Variants in GAS2 observed in about 807,000 individuals in gnomAD.
GAS2 encodes the protein growth arrest specific 2.
Under a neutral mutation model 37.5 loss-of-function variants are expected in GAS2, and 20 were observed. The observed-to-expected ratio is 0.53, with a 90% CI of 0.37 to 0.77. The LOEUF is 0.77. GAS2 is among the 30% of genes least tolerant of loss of function. The pLI is 0.00. For synonymous variants in GAS2, 144 were observed against 132.2 expected, an observed-to-expected ratio of 1.09 and a Z score of -0.61; for missense variants, 336 against 373.4, an observed-to-expected ratio of 0.90 and a Z score of 0.82.
intron 1 of GAS2, among the ~76,000 whole-genome samples, chr11:22,645,292 G>A (rs925243089): frequency 2.6e-5 from 4 of 152,050 alleles, no homozygotes; most frequent in Admixed American, 6.5e-5. Flanking sequence ...GGCAGATCAC[G>A]AGGTAAGGAG....
Position 22,726,395 on chromosome 11 carries a change from G to A in GAS2, c.371G>A (p.Gly124Glu), listed in dbSNP as rs1223853252. 1.2e-6 allele frequency: 2 copies of A among 1,612,662 alleles called. No homozygotes were observed. The highest frequency in any genetic ancestry group is 1.7e-6 in the Non-Finnish European group (2 of 1,179,324). ...ANFLSWCRDL[G>E]VDETCLFESE... ...TTCTTATCCTGGTGCCGAGATTTAG[G>A]GGTGGATGAAACGTGTCTATTTGAA... is the stretch of plus-strand genomic sequence containing the variant. Residue 124 changes from glycine to glutamate, a missense_variant, in exon 4 of 8, where the codon GGG becomes GAG. By Grantham distance (98) the Gly-to-Glu change is moderately conservative. Transcript: ENST00000454584.
chr11:22,735,502 C>G (rs1852705914), intron 4 of GAS2, among the ~76,000 whole-genome samples: 1 of 151,698 alleles, frequency 6.6e-6, no homozygotes, highest in Non-Finnish European at 1.5e-5. Context: ...AGTTTCTTCT[C>G]AGTTTGCCAA....
chr11:22,716,838 G>A (rs887704851), intron 3 of GAS2, among the ~76,000 whole-genome samples: 8 of 152,014 alleles, frequency 5.3e-5, no homozygotes, highest in African/African-American at 1.9e-4. Flanking sequence ...CAGTAGCACT[G>A]CCATATACCA....
rs35755438 is a variant in GAS2 at position 22,789,425 on chromosome 11, G to GATATAT, written c.724-22348_724-22343dup. Among the ~76,000 whole-genome samples, 154 of 30,626 alleles carry GATATAT rather than the reference G, an allele frequency of 5.0e-3. 2 individuals are homozygous for GATATAT. The highest frequency in any genetic ancestry group is 9.8e-3 in the African/African-American group (109 of 11,100). 20.1% of individuals were successfully genotyped at this position (30,626 alleles called of 152,430 possible). ...GTGTATGTGTGTGTATCTCATATGA[G>GATATAT]ATATATATATATATATATATATATA... On this transcript the variant is annotated intron_variant, in intron 7 of 7. Coordinates refer to ENST00000454584, the MANE Select transcript of GAS2 (RefSeq NM_001143830.3).
At chr11:22,806,229 T>G (rs1454476313) in intron 7 of GAS2, among the ~76,000 whole-genome samples, 1 of 152,218 alleles carries the variant, frequency 6.6e-6, no homozygotes, top group African/African-American at 2.4e-5. Flanking sequence ...TTCTTTCATG[T>G]ACCACAATGT....
At chr11:22,763,760 T>C (rs1008047840) in intron 7 of GAS2, among the ~76,000 whole-genome samples, 1 of 152,150 alleles carries the variant, frequency 6.6e-6, no homozygotes, top group Non-Finnish European at 1.5e-5. Context: ...CGTGTTTGCT[T>C]CTGATGTATA....
At chr11:22,690,233 C>T (rs532950358) in intron 3 of GAS2, among the ~76,000 whole-genome samples, 264 of 151,962 alleles carry the variant, frequency 1.7e-3, no homozygotes, top group Middle Eastern at 3.4e-3. Flanking sequence ...AATGTTAGTT[C>T]GCATATTTAA....
intron 1 of GAS2, chr11:22,626,329 T>C (rs532805377): frequency 6.2e-6 from 1 of 162,424 alleles, no homozygotes; most frequent in Non-Finnish European, 1.4e-5. Flanking sequence ...GGCCTTCACA[T>C]TGTCCTTCCA....
At chr11:22,745,520 C>G (rs1186426799) in intron 5 of GAS2, among the ~76,000 whole-genome samples, 1 of 152,014 alleles carries the variant, frequency 6.6e-6, no homozygotes, top group Non-Finnish European at 1.5e-5. Flanking sequence ...TAGAAAAAAT[C>G]CTAGGAAATA....
intron 3 of GAS2, among the ~76,000 whole-genome samples, chr11:22,694,096 G>A (rs866766277): frequency 7.2e-5 from 11 of 152,176 alleles, no homozygotes; most frequent in Middle Eastern, 6.8e-3. Flanking sequence ...TAAATAATCT[G>A]CACAACAAAC....
intron 7 of GAS2, among the ~76,000 whole-genome samples, chr11:22,781,694 C>T (rs1855562351): frequency 2.0e-5 from 3 of 151,836 alleles, no homozygotes; most frequent in Non-Finnish European, 4.4e-5. Context: ...GGGTAAACTC[C>T]CTGAGGTTTA....
At chr11:22,646,006 G>C (rs1848686790) in intron 1 of GAS2, among the ~76,000 whole-genome samples, 1 of 151,650 alleles carries the variant, frequency 6.6e-6, no homozygotes, top group South Asian at 2.1e-4. Context: ...ACCACTCCCG[G>C]CTAATTTTGT....
At chr11:22,689,140 G>T (rs1039627183) in intron 3 of GAS2, among the ~76,000 whole-genome samples, 1 of 152,066 alleles carries the variant, frequency 6.6e-6, no homozygotes, top group African/African-American at 2.4e-5. Flanking sequence ...CAGGAAGGGC[G>T]GCAAGAGGGT....
intron 7 of GAS2, among the ~76,000 whole-genome samples, chr11:22,793,813 A>T (rs996069454): frequency 6.6e-6 from 1 of 152,348 alleles, no homozygotes; most frequent in Non-Finnish European, 1.5e-5. Flanking sequence ...AAAATAGTTT[A>T]AAAAGTAACA....
chr11:22,812,039 G>A lies in GAS2; in HGVS notation c.*23G>A. On this transcript the variant is annotated 3_prime_UTR_variant, in exon 8 of 8. Coordinates refer to ENST00000454584, the MANE Select transcript of GAS2 (RefSeq NM_001143830.3). Reference sequence around the variant, plus strand: ...TGAAACAAATTGGTCATGACAAGGGGACCCTCATAATGGCCTGTATCCACT... The same window carrying A: ...TGAAACAAATTGGTCATGACAAGGGAACCCTCATAATGGCCTGTATCCACT... 6.4e-7 allele frequency: 1 copy of A among 1,569,560 alleles called. No individual in the cohort carries two copies. Among genetic ancestry groups the A allele is most frequent in the Non-Finnish European group, 8.8e-7 (1 of 1,139,814 alleles).
intron 2 of GAS2, among the ~76,000 whole-genome samples, chr11:22,683,165 GA>G (rs11433218): frequency 2.0e-5 from 3 of 150,860 alleles, no homozygotes; most frequent in Non-Finnish European, 3.0e-5. Context: ...CCCAAAAATG[GA>G]AAAAAAAAGT....
At chr11:22,643,658 T>A (rs564527022) in intron 1 of GAS2, among the ~76,000 whole-genome samples, 1 of 152,254 alleles carries the variant, frequency 6.6e-6, no homozygotes, top group African/African-American at 2.4e-5. Flanking sequence ...CAGTTCATTT[T>A]TCTTTACAAT....
chr11:22,786,430 G>A (rs548506992), intron 7 of GAS2, among the ~76,000 whole-genome samples: 3 of 152,258 alleles, frequency 2.0e-5, no homozygotes, highest in South Asian at 4.1e-4. Flanking sequence ...ATCTACTTAT[G>A]TATGGATAGA....
chr11:22,805,595 T>A (rs1026534720), intron 7 of GAS2, among the ~76,000 whole-genome samples: 1 of 152,100 alleles, frequency 6.6e-6, no homozygotes, highest in Non-Finnish European at 1.5e-5. Flanking sequence ...GAGATCAACA[T>A]CTTTAGATTC....
Sources: allele counts gnomAD v4.1 joint callset (sites outside exome capture counted in the v4.1 genomes callset), GRCh38; gene constraint gnomAD v4.1.1; transcripts MANE v1.5; gene names NCBI Gene and HGNC (gene_info 2026-07-23, HGNC 2026-07-21).